Variants in SNTB1 observed in about 807,000 individuals in gnomAD.
SNTB1 encodes beta-1-syntrophin.
In SNTB1, 36 loss-of-function variants were observed where a neutral mutation model predicts 48.9. The observed-to-expected ratio is 0.74, with a 90% CI of 0.56 to 0.97. The LOEUF (loss-of-function observed/expected upper bound fraction) is 0.97. SNTB1 is among the 50% of genes least tolerant of loss of function. The probability of loss-of-function intolerance (pLI) is 0.00; values close to 1 mark genes in which losing one functional copy is unlikely to be tolerated. For synonymous variants in SNTB1, 299 were observed against 294.6 expected (o/e 1.01, Z -0.15); for missense variants, 786 against 703.4 (o/e 1.12, Z -1.33).
At chr8:120,654,822 T>A (rs1817471793) in intron 2 of SNTB1, 1 of 348,546 alleles carries the variant, frequency 2.9e-6, no homozygotes, top group South Asian at 2.2e-5. Flanking sequence ...AGCCTCCTAC[T>A]ACGAAATTAA....
intron 1 of SNTB1, among the ~76,000 whole-genome samples, chr8:120,797,546 C>CTTTTTTTTTTTTTTTTTTTTTTT (rs60374035): frequency 2.9e-5 from 2 of 69,088 alleles, no homozygotes; most frequent in Non-Finnish European, 5.1e-5. Flanking sequence ...ACTTGTTTCT[C>CTTTTTTTTTTTTTTTTTTTTTTT]TTTTTTTTTT....
At chr8:120,574,925 G>T (rs6984991) in intron 4 of SNTB1, among the ~76,000 whole-genome samples, 161 bp downstream of exon 4, 69,638 of 152,032 alleles carry the variant, frequency 0.46, 18,614 homozygotes, top group Non-Finnish European at 0.62. Flanking sequence ...GGCCATAAAT[G>T]ATCATTAATC....
intron 1 of SNTB1, among the ~76,000 whole-genome samples, chr8:120,780,794 C>T (rs1819819597): frequency 6.6e-6 from 1 of 152,194 alleles, no homozygotes; most frequent in African/African-American, 2.4e-5. Context: ...TGTTAACTAT[C>T]TCTTAATAAG....
chr8:120,769,934 A>G (rs1819590224), intron 1 of SNTB1, among the ~76,000 whole-genome samples: 1 of 152,220 alleles, frequency 6.6e-6, no homozygotes, highest in Admixed American at 6.5e-5. Context: ...CTCAAACTCA[A>G]AAACAAGTTT....
At chr8:120,647,464 A>G (rs1170944647) in intron 2 of SNTB1, among the ~76,000 whole-genome samples, 5 of 148,786 alleles carry the variant, frequency 3.4e-5, no homozygotes, top group African/African-American at 1.2e-4. Flanking sequence ...GTTTCCATGT[A>G]GTTGAGCGGT....
intron 1 of SNTB1, among the ~76,000 whole-genome samples, chr8:120,705,826 C>A (rs976659780): frequency 1.3e-5 from 2 of 152,180 alleles, no homozygotes; most frequent in African/African-American, 4.8e-5. Flanking sequence ...ATGAGACAAT[C>A]TGTTAAGCTA....
chr8:120,660,689 A>G (rs1022374201), intron 2 of SNTB1, among the ~76,000 whole-genome samples: 5 of 152,260 alleles, frequency 3.3e-5, no homozygotes, highest in Admixed American at 3.3e-4. Flanking sequence ...AGTGTTTGGC[A>G]CAAGAAGCCT....
At position 120,800,730 on chromosome 8, in the gene SNTB1, AC is replaced by A. The variant is rs1337331638; in HGVS notation, c.571+10542del. On this transcript the variant is annotated intron_variant, in intron 1 of 6. Transcript: ENST00000517992. ...TCGAAAGAAAAAAATTGGGATAAGT[AC>A]AAAAAAACTAAGCAAACAGGAAAAA... 2.6e-4 allele frequency among the ~76,000 whole-genome samples: 39 copies of A among 152,220 alleles called. 1 individual carries two copies. In the East Asian group the frequency reaches 6.8e-3, roughly 26 times the overall value.
At chr8:120,593,092 T>C (rs1279246730) in intron 3 of SNTB1, among the ~76,000 whole-genome samples, 1 of 152,204 alleles carries the variant, frequency 6.6e-6, no homozygotes, top group Non-Finnish European at 1.5e-5. Flanking sequence ...ACTCCTATCT[T>C]GCTTTGATTT....
intron 1 of SNTB1, among the ~76,000 whole-genome samples, chr8:120,804,929 T>C (rs1466701166): frequency 6.6e-6 from 1 of 152,190 alleles, no homozygotes; most frequent in Non-Finnish European, 1.5e-5. Context: ...CAGCATCTCA[T>C]AATGCCCATA....
chr8:120,761,810 TATAGG>T (rs1819425408), intron 1 of SNTB1, among the ~76,000 whole-genome samples: 1 of 152,210 alleles, frequency 6.6e-6, no homozygotes, highest in Admixed American at 6.5e-5. Context: ...ATTGAATAGA[TATAGG>T]ATACTTGATG....
chr8:120,651,589 A>G (rs891781848), intron 2 of SNTB1, among the ~76,000 whole-genome samples: 2 of 152,172 alleles, frequency 1.3e-5, no homozygotes, highest in Non-Finnish European at 2.9e-5. Flanking sequence ...CTGATAACAT[A>G]CCCCAAAAGA....
At chr8:120,619,294 T>A in intron 3 of SNTB1, among the ~76,000 whole-genome samples, 1 of 145,598 alleles carries the variant, frequency 6.9e-6, no homozygotes, top group East Asian at 2.3e-4. Context: ...TGGTGAAAAT[T>A]ATACATATAT....
At chr8:120,755,141 GTT>G (rs1819291641) in intron 1 of SNTB1, among the ~76,000 whole-genome samples, 1 of 149,196 alleles carries the variant, frequency 6.7e-6, no homozygotes, top group African/African-American at 2.5e-5. Context: ...ATGCTGTGGT[GTT>G]GTGTGTGTGT....
At chr8:120,735,137 A>T (rs554393928) in intron 1 of SNTB1, among the ~76,000 whole-genome samples, 4 of 152,342 alleles carry the variant, frequency 2.6e-5, no homozygotes, top group Non-Finnish European at 5.9e-5. Context: ...AGATGAGGCT[A>T]TGGGCATGTG....
chr8:120,798,883 T>C (rs1820167916), intron 1 of SNTB1, among the ~76,000 whole-genome samples: 1 of 152,182 alleles, frequency 6.6e-6, no homozygotes, highest in Non-Finnish European at 1.5e-5. Flanking sequence ...TGAAGCCTAA[T>C]GTTAGTATAT....
At chr8:120,810,517 G>A (rs971178682) in intron 1 of SNTB1, among the ~76,000 whole-genome samples, 5 of 152,198 alleles carry the variant, frequency 3.3e-5, no homozygotes, top group African/African-American at 1.2e-4. Flanking sequence ...ACACCACTCA[G>A]AAAGGGCTCC....
chr8:120,722,161 TGTGAATA>T (rs1227079934), intron 1 of SNTB1, among the ~76,000 whole-genome samples: 1 of 151,942 alleles, frequency 6.6e-6, no homozygotes, highest in Admixed American at 6.6e-5. Flanking sequence ...GGGTTGGTTC[TGTGAATA>T]GTGAATAGTG....
At chr8:120,768,196 C>T (rs558290945) in intron 1 of SNTB1, among the ~76,000 whole-genome samples, 2 of 152,260 alleles carry the variant, frequency 1.3e-5, no homozygotes, top group East Asian at 1.9e-4. Context: ...ACTTATCCCA[C>T]CTGTACATGA....
Sources: allele counts gnomAD v4.1 joint callset (sites outside exome capture counted in the v4.1 genomes callset), GRCh38; gene constraint gnomAD v4.1.1; transcripts MANE v1.5; gene names NCBI Gene and HGNC (gene_info 2026-07-23, HGNC 2026-07-21).